ATXN1: variants seen among roughly 807,000 people sequenced by gnomAD.
ATXN1 encodes ataxin 1.
In ATXN1, 8 loss-of-function variants were observed where a neutral mutation model predicts 56.4. The ratio of observed to expected loss-of-function variants is 0.14; its 90% CI spans 0.08 to 0.26. The LOEUF is 0.26. Ranked by LOEUF, ATXN1 falls within the 10% of genes least tolerant of loss-of-function variation. ATXN1 has a pLI of 1.00. For synonymous variants in ATXN1, 514 were observed against 494.6 expected (o/e 1.04, Z -0.52); for missense variants, 987 against 1,106.5 (o/e 0.89, Z 1.53).
intron 2 of ATXN1, among the ~76,000 whole-genome samples, chr6:16,743,275 T>G (rs754144179): frequency 2.0e-5 from 3 of 152,238 alleles, no homozygotes; most frequent in African/African-American, 7.2e-5. Context: ...ACGTACAGCT[T>G]TCTTTCCAGA....
chr6:16,569,891 T>C (rs1443250786), intron 4 of ATXN1, among the ~76,000 whole-genome samples: 2 of 152,158 alleles, frequency 1.3e-5, no homozygotes. Flanking sequence ...TTCTCTCTTC[T>C]GCCAGGTGCA....
chr6:16,598,743 T>A (rs1482973026), intron 3 of ATXN1, among the ~76,000 whole-genome samples: 1 of 152,144 alleles, frequency 6.6e-6, no homozygotes, highest in Non-Finnish European at 1.5e-5. Flanking sequence ...AAAGGACACC[T>A]GGGCCCCATG....
At chr6:16,386,445 G>A (rs1397311710) in intron 6 of ATXN1, among the ~76,000 whole-genome samples, 2 of 152,232 alleles carry the variant, frequency 1.3e-5, no homozygotes, top group East Asian at 3.8e-4. Flanking sequence ...GTTATGCTGA[G>A]AACTTAAACT....
chr6:16,444,600 TA>T (rs1485643469), intron 6 of ATXN1, among the ~76,000 whole-genome samples: 25 of 152,190 alleles, frequency 1.6e-4, no homozygotes, highest in African/African-American at 6.0e-4. Context: ...TGCAAATTGG[TA>T]AATAGACAGA....
intron 3 of ATXN1, among the ~76,000 whole-genome samples, chr6:16,620,033 T>C (rs1038876262): frequency 1.3e-5 from 2 of 152,194 alleles, no homozygotes; most frequent in Admixed American, 6.5e-5. Context: ...CAATTGAATT[T>C]TACATGTATG....
At chr6:16,720,422 G>A (rs759629094) in intron 2 of ATXN1, among the ~76,000 whole-genome samples, 5 of 152,078 alleles carry the variant, frequency 3.3e-5, no homozygotes, top group Non-Finnish European at 7.4e-5. Flanking sequence ...TCTCTGTTAC[G>A]TCCTCAGTGC....
At chr6:16,375,906 G>A (rs908879026) in intron 6 of ATXN1, among the ~76,000 whole-genome samples, 1 of 152,202 alleles carries the variant, frequency 6.6e-6, no homozygotes, top group African/African-American at 2.4e-5. Flanking sequence ...TGATAAAAAT[G>A]GACTATCTGT....
chr6:16,713,177 A>T (rs536169654), intron 2 of ATXN1, among the ~76,000 whole-genome samples: 41 of 152,240 alleles, frequency 2.7e-4, no homozygotes, highest in Non-Finnish European at 3.4e-4. Flanking sequence ...TGGAGTGGTA[A>T]GGGAAGAGTT....
chr6:16,449,140 CT>C (rs1561900179), intron 6 of ATXN1, among the ~76,000 whole-genome samples: 2 of 151,856 alleles, frequency 1.3e-5, no homozygotes. Context: ...GCTACCATTG[CT>C]TTTTTTAAAC....
At chr6:16,397,899 T>C (rs763768458) in intron 6 of ATXN1, among the ~76,000 whole-genome samples, 1 of 152,210 alleles carries the variant, frequency 6.6e-6, no homozygotes, top group Non-Finnish European at 1.5e-5. Context: ...ATTACCTCAT[T>C]AACTCCTCGC....
intron 2 of ATXN1, among the ~76,000 whole-genome samples, chr6:16,751,815 G>T (rs1333308376): frequency 6.6e-6 from 1 of 152,212 alleles, no homozygotes; most frequent in Admixed American, 6.5e-5. Flanking sequence ...CCTGTTGAGG[G>T]ATAAGTTACT....
chr6:16,690,969 C>A (rs181060761), intron 2 of ATXN1, among the ~76,000 whole-genome samples: 1 of 152,208 alleles, frequency 6.6e-6, no homozygotes, highest in East Asian at 1.9e-4. Context: ...GAGAATGAGA[C>A]AAAGGAAGAA....
chr6:16,449,786 A>T (rs1323443731), intron 6 of ATXN1, among the ~76,000 whole-genome samples: 2 of 152,162 alleles, frequency 1.3e-5, no homozygotes, highest in East Asian at 3.8e-4. Flanking sequence ...AAATAAAACA[A>T]CTCATTATTA....
chr6:16,740,855 A>C (rs968685750), intron 2 of ATXN1, among the ~76,000 whole-genome samples: 1 of 152,192 alleles, frequency 6.6e-6, no homozygotes, highest in Non-Finnish European at 1.5e-5. Flanking sequence ...ATTTATAATG[A>C]AGCACTGTTT....
chr6:16,611,721 A>G (rs1763108906), intron 3 of ATXN1, among the ~76,000 whole-genome samples: 1 of 152,204 alleles, frequency 6.6e-6, no homozygotes, highest in South Asian at 2.1e-4. Context: ...GAATTAAGTC[A>G]AAATTGTATG....
chr6:16,340,428 C>T (rs1208466574), intron 6 of ATXN1, among the ~76,000 whole-genome samples: 2 of 152,188 alleles, frequency 1.3e-5, no homozygotes, highest in East Asian at 3.9e-4. Context: ...GGAGGTAATG[C>T]TGTTCATCAC....
chr6:16,513,544 C>G (rs371832393), intron 5 of ATXN1, among the ~76,000 whole-genome samples: 1 of 152,258 alleles, frequency 6.6e-6, no homozygotes, highest in African/African-American at 2.4e-5. Context: ...TAGAGGCTTC[C>G]GATCATCTTG....
chr6:16,307,242 G>C (rs9396662), intron 7 of ATXN1, among the ~76,000 whole-genome samples: 5 of 152,192 alleles, frequency 3.3e-5, no homozygotes, highest in African/African-American at 9.6e-5. Flanking sequence ...AGCCCAGCGC[G>C]GTCTTAGATT....
intron 6 of ATXN1, among the ~76,000 whole-genome samples, chr6:16,469,149 A>C (rs969210876): frequency 6.6e-6 from 1 of 152,246 alleles, no homozygotes; most frequent in Non-Finnish European, 1.5e-5. Context: ...GAATGAATGC[A>C]TGAAAGAATG....
Sources: gnomAD v4.1 joint callset for allele counts (sites outside exome capture counted in the v4.1 genomes callset) on GRCh38, gnomAD v4.1.1 for gene constraint, MANE v1.5 for transcripts, NCBI Gene and HGNC (gene_info 2026-07-23, HGNC 2026-07-21) for gene names.